GLT1D1: variants seen among roughly 807,000 people sequenced by gnomAD.
The protein encoded by GLT1D1 is glycosyltransferase 1 domain-containing protein 1.
Under a neutral mutation model 28.7 loss-of-function variants are expected in GLT1D1, and 21 were observed. The observed-to-expected ratio is 0.73, with a 90% CI of 0.52 to 1.05. GLT1D1 has a LOEUF of 1.05. Among genes scored for constraint, GLT1D1 ranks in the 50% least tolerant of loss-of-function variants. GLT1D1 has a pLI of 0.00. For missense variants in GLT1D1, 343 were observed against 330.6 expected (o/e 1.04, Z -0.29); for synonymous variants, 147 against 124.8 (o/e 1.18, Z -1.19).
chr12:128,876,130 A>C, intron 2 of GLT1D1, 68 bp downstream of exon 2: 1 of 1,371,258 alleles, frequency 7.3e-7, no homozygotes, highest in Non-Finnish European at 1.0e-6. Context: ...TGTAATGTCC[A>C]ATAACACGGG....
intron 1 of GLT1D1, among the ~76,000 whole-genome samples, chr12:128,857,559 G>A (rs572909798): frequency 3.9e-5 from 6 of 152,110 alleles, no homozygotes; most frequent in Non-Finnish European, 5.9e-5. Context: ...TGTCCTGGAC[G>A]GGCGGGGAGG....
rs181244954 is a variant in GLT1D1, at chr12:128,974,224, C to T, written c.640-8705C>T. On this transcript the variant is annotated intron_variant, in intron 7 of 7. Transcript: ENST00000281703. ...TCGGGACCCACCTGCCAGCTCTGTG[C>T]GTTTTTACTAGCAGGTACCTGGCTG... 4.5e-4 allele frequency among the ~76,000 whole-genome samples: 68 copies of T among 152,240 alleles called. 1 individual carries two copies. The highest frequency in any genetic ancestry group is 8.8e-4 in the Non-Finnish European group (60 of 68,022).
intron 4 of GLT1D1, among the ~76,000 whole-genome samples, chr12:128,922,810 C>G (rs1456605111): frequency 6.6e-6 from 1 of 151,612 alleles, no homozygotes; most frequent in Non-Finnish European, 1.5e-5. Context: ...GTAGTCTCAG[C>G]TACTCAGGGA....
chr12:128,902,236 C>A (rs1870356708), intron 4 of GLT1D1, among the ~76,000 whole-genome samples: 1 of 151,254 alleles, frequency 6.6e-6, no homozygotes, highest in East Asian at 1.9e-4. Flanking sequence ...GTAATCCCAG[C>A]ACTTTGGGAG....
chr12:128,859,972 C>T (rs920412285), intron 1 of GLT1D1, among the ~76,000 whole-genome samples: 5 of 152,072 alleles, frequency 3.3e-5, no homozygotes, highest in African/African-American at 7.2e-5. Flanking sequence ...GAATTGATGT[C>T]GTATTGTCTG....
intron 1 of GLT1D1, among the ~76,000 whole-genome samples, chr12:128,861,107 T>C (rs1252201548): frequency 6.6e-6 from 1 of 152,146 alleles, no homozygotes; most frequent in Non-Finnish European, 1.5e-5. Flanking sequence ...AACAGGAGGC[T>C]AGTCCTTGGA....
intron 4 of GLT1D1, among the ~76,000 whole-genome samples, chr12:128,934,824 C>T (rs1874373152): frequency 6.6e-6 from 1 of 152,162 alleles, no homozygotes; most frequent in Non-Finnish European, 1.5e-5. Flanking sequence ...GAAAATGAGC[C>T]CCACCCATGC....
chr12:128,949,415 G>A (rs541001952), intron 6 of GLT1D1, among the ~76,000 whole-genome samples: 97 of 152,150 alleles, frequency 6.4e-4, no homozygotes, highest in Non-Finnish European at 1.2e-3. Flanking sequence ...TGGTAAGGGT[G>A]CATTTCATTA....
chr12:128,895,311 T>C lies in GLT1D1; in HGVS notation c.324-3925T>C, dbSNP rs1255144797. Among the ~76,000 whole-genome samples the C allele has an allele frequency of 2.6e-5, 4 of 152,162 alleles. No homozygotes were observed. The East Asian group carries it at 7.7e-4, about 29-fold the overall frequency. On this transcript the variant is annotated intron_variant, in intron 3 of 7. Transcript: ENST00000281703. ...ATATACAACTATATGTATTTTTATT[T>C]CATCACTAGAAGTATGGTTCTCATT...
intron 7 of GLT1D1, among the ~76,000 whole-genome samples, chr12:128,977,003 G>A (rs1359303833): frequency 6.6e-6 from 1 of 152,148 alleles, no homozygotes; most frequent in Non-Finnish European, 1.5e-5. Flanking sequence ...AAAATTAGTC[G>A]GGCGTGGTGG....
intron 7 of GLT1D1, among the ~76,000 whole-genome samples, chr12:128,962,583 C>A (rs1878075723): frequency 6.6e-6 from 1 of 152,160 alleles, no homozygotes; most frequent in Non-Finnish European, 1.5e-5. Context: ...TCAGGTGCAA[C>A]CCTAGGGACC....
At position 128,947,113 on chromosome 12, in the gene GLT1D1, A is replaced by G. The variant is rs534102394; in HGVS notation, c.420-225A>G. On this transcript the variant is annotated intron_variant, in intron 5 of 7. Transcript: ENST00000281703. Reference sequence around the variant, plus strand: ...GAGAGCAGGTGTCTTTATGGAGCATATGGAAAACAAAAGCAGACATGTTAA... The same window carrying G: ...GAGAGCAGGTGTCTTTATGGAGCATGTGGAAAACAAAAGCAGACATGTTAA... 7.5e-4 allele frequency among the ~76,000 whole-genome samples: 114 copies of G among 152,276 alleles called. 3 individuals carry two copies. The South Asian group carries it at 0.022, about 30-fold the overall frequency.
At chr12:128,890,103 A>G (rs1868866579) in intron 3 of GLT1D1, among the ~76,000 whole-genome samples, 1 of 152,184 alleles carries the variant, frequency 6.6e-6, no homozygotes. Context: ...AAAAGGCAAG[A>G]AATTCCAGGC....
At chr12:128,954,649 G>C (rs1258276397) in intron 6 of GLT1D1, among the ~76,000 whole-genome samples, 2 of 152,166 alleles carry the variant, frequency 1.3e-5, no homozygotes, top group Non-Finnish European at 2.9e-5. Flanking sequence ...AAATTCTGTA[G>C]TATTAAGCCA....
chr12:128,974,550 G>A (rs1879583878), intron 7 of GLT1D1, among the ~76,000 whole-genome samples: 1 of 152,168 alleles, frequency 6.6e-6, no homozygotes, highest in South Asian at 2.1e-4. Context: ...GGAAAGAGGA[G>A]TTTTACTGTC....
chr12:128,908,541 C>CT (rs956758376), intron 4 of GLT1D1, among the ~76,000 whole-genome samples: 43 of 125,072 alleles, frequency 3.4e-4, no homozygotes, highest in East Asian at 1.7e-3. Flanking sequence ...CTTTCTTCTT[C>CT]TTTTTTTTTT....
At chr12:128,945,131 G>T in intron 4 of GLT1D1, 195 bp from the exon 9 acceptor site, 2 of 731,546 alleles carry the variant, frequency 2.7e-6, no homozygotes. Context: ...TGAGTGATAC[G>T]CGACGACACA....
At chr12:128,859,996 A>T (rs1956316046) in intron 1 of GLT1D1, among the ~76,000 whole-genome samples, 1 of 152,198 alleles carries the variant, frequency 6.6e-6, no homozygotes, top group South Asian at 2.1e-4. Flanking sequence ...GTCACGTTAA[A>T]TATTCTTCAG....
At chr12:128,864,810 C>T (rs968091402) in intron 1 of GLT1D1, among the ~76,000 whole-genome samples, 11 of 152,008 alleles carry the variant, frequency 7.2e-5, no homozygotes, top group African/African-American at 2.4e-4. Context: ...AGTGTGGCCT[C>T]TGCTGGGACC....
Sources: allele counts gnomAD v4.1 joint callset (sites outside exome capture counted in the v4.1 genomes callset), GRCh38; gene constraint gnomAD v4.1.1; transcripts MANE v1.5; gene names NCBI Gene and HGNC (gene_info 2026-07-23, HGNC 2026-07-21).